GCC2: variants seen among roughly 807,000 people sequenced by gnomAD.
GCC2 encodes GRIP and coiled-coil domain containing 2, also known as GRIP and coiled-coil domain-containing protein 2.
In GCC2, 120 loss-of-function variants were observed where a neutral mutation model predicts 210.6. The observed-to-expected ratio is 0.57, with a 90% CI of 0.49 to 0.66. The LOEUF (loss-of-function observed/expected upper bound fraction) is 0.66, where lower values mean the gene tolerates loss of function less well. GCC2 is among the 30% of genes least tolerant of loss of function. GCC2 has a pLI of 0.00. For synonymous variants in GCC2, 703 were observed against 652.7 expected (o/e 1.08, Z -1.17); for missense variants, 1,868 against 1,871.9 (o/e 1.00, Z 0.04).
intron 6 of GCC2, among the ~76,000 whole-genome samples, 192 bp from the exon 7 acceptor site, chr2:108,472,635 T>C (rs965518270): frequency 6.6e-6 from 1 of 151,914 alleles, no homozygotes; most frequent in Non-Finnish European, 1.5e-5. Context: ...GTAAATGCCA[T>C]ATGCATAGTA....
At position 108,498,183 on chromosome 2, in the gene GCC2, C is replaced by CTTTTTTTTT. The variant is rs3084885; in HGVS notation, c.4782+1096_4782+1104dup. 9.4e-4 allele frequency among the ~76,000 whole-genome samples: 54 copies of CTTTTTTTTT among 57,486 alleles called. 9 individuals are homozygous for CTTTTTTTTT. The highest frequency in any genetic ancestry group is 1.5e-3 in the African/African-American group (21 of 13,648). 37.7% of individuals were successfully genotyped at this position (57,486 alleles called of 152,430 possible). ...ATGACTTATTTAAATGTTATATTTT[C>CTTTTTTTTT]TTTTTTTTTTTTTTTTTTTTTTTTT... On this transcript the variant is annotated intron_variant, in intron 21 of 22. Transcript: ENST00000309863.
At chr2:108,497,691 G>A (rs1374492324) in intron 21 of GCC2, among the ~76,000 whole-genome samples, 1 of 152,098 alleles carries the variant, frequency 6.6e-6, no homozygotes, top group Non-Finnish European at 1.5e-5. Context: ...GTAGACACCA[G>A]AAACATCTAG....
chr2:108,465,539 T>A (rs559566466), intron 4 of GCC2, among the ~76,000 whole-genome samples: 3 of 152,332 alleles, frequency 2.0e-5, no homozygotes, highest in Admixed American at 2.0e-4. Context: ...ACATCCATTA[T>A]ATCACTCTGT....
chr2:108,475,462 G>T, intron 7 of GCC2, 73 bp from the exon 8 acceptor site: 6 of 627,740 alleles, frequency 9.6e-6, no homozygotes, highest in South Asian at 8.3e-5. Flanking sequence ...AATAATCTAG[G>T]GCTAAAATAA....
At position 108,471,915 on chromosome 2, in the gene GCC2, A is replaced by C; in HGVS notation, c.2586A>C (p.Leu862=). Residue 862 remains leucine (L), a synonymous_variant, in exon 6 of 23, where the codon CTA becomes CTC. Transcript: ENST00000309863. The part of the protein sequence containing the change: ...SEKEALQSDL[L]EMKNANEKTR... Reference sequence around the variant, plus strand: ...AAGAGGCCCTGCAGTCTGATCTTCTAGAAATGAAGAATGCTAATGAAAAAA... The same window carrying C: ...AAGAGGCCCTGCAGTCTGATCTTCTCGAAATGAAGAATGCTAATGAAAAAA... 1 of 1,600,932 alleles carries C rather than the reference A, an allele frequency of 6.2e-7. No homozygotes were observed. The highest frequency in any genetic ancestry group is 1.1e-5 in the South Asian group (1 of 87,810).
rs1387040838 is a variant in GCC2, at chr2:108,449,546, A to C, written c.7-87A>C. The C allele has an allele frequency of 1.1e-5, 15 of 1,379,042 alleles. No homozygotes were observed. The South Asian group carries it at 1.8e-4, about 16-fold the overall frequency. 85.4% of individuals were successfully genotyped at this position (1,379,042 alleles called of 1,614,324 possible). A position where few individuals can be genotyped will look rare whatever the true frequency, so the allele number is the denominator to read the frequency against. On this transcript the variant is annotated intron_variant, in intron 1 of 22. Coordinates refer to ENST00000309863, the MANE Select transcript of GCC2 (RefSeq NM_181453.4). ...GCTTTCCACCACTTGATTCCATAGA[A>C]GGTTTTTCCCTGTAAGGGTTCTACG... is the stretch of plus-strand genomic sequence containing the variant.
At chr2:108,452,787 G>A (rs1475705199) in intron 4 of GCC2, among the ~76,000 whole-genome samples, 3 of 143,078 alleles carry the variant, frequency 2.1e-5, no homozygotes, top group African/African-American at 5.3e-5. Flanking sequence ...TCTGCCTCCC[G>A]AGTTCAAGCA....
At chr2:108,506,599 A>G (rs1683199474) in intron 22 of GCC2, among the ~76,000 whole-genome samples, 1 of 152,324 alleles carries the variant, frequency 6.6e-6, no homozygotes, top group East Asian at 1.9e-4. Context: ...TTGTACCTCA[A>G]TAAACATGAT....
rs758868824 is a variant in GCC2 at position 108,469,002 on chromosome 2, CTCT to C, written c.246_248del (p.Leu83del). On this transcript the variant is annotated inframe_deletion, in exon 5 of 23. Coordinates refer to ENST00000309863, the MANE Select transcript of GCC2 (RefSeq NM_181453.4). ...TAGGCATTAACTGAACGTCTGGATG[CTCT>C]TCTTCTGGAAAAAGCAGAGACTGAG... is the stretch of plus-strand genomic sequence containing the variant. The C allele has an allele frequency of 4.3e-6, 7 of 1,611,768 alleles. No individual in the cohort carries two copies. In the South Asian group the frequency reaches 4.4e-5, roughly 10 times the overall value.
chr2:108,449,752 T>G, intron 2 of GCC2, 63 bp downstream of exon 2: 1 of 1,356,906 alleles, frequency 7.4e-7, no homozygotes, highest in Non-Finnish European at 1.0e-6. Flanking sequence ...TTGGAAAACT[T>G]TGGCATGGGG....
intron 21 of GCC2, among the ~76,000 whole-genome samples, chr2:108,497,480 C>G (rs1372309595): frequency 1.3e-5 from 2 of 152,044 alleles, no homozygotes; most frequent in Admixed American, 1.3e-4. Context: ...TCTAAGAAAC[C>G]GTAATAGATT....
chr2:108,457,287 C>T (rs544534346), intron 4 of GCC2, among the ~76,000 whole-genome samples: 49 of 152,140 alleles, frequency 3.2e-4, no homozygotes, highest in African/African-American at 9.6e-4. Flanking sequence ...TGTCGAAGAT[C>T]GGTTGTGTAT....
At chr2:108,461,182 C>CTCTTT in intron 4 of GCC2, among the ~76,000 whole-genome samples, 1 of 152,112 alleles carries the variant, frequency 6.6e-6, no homozygotes, top group Admixed American at 6.5e-5. Flanking sequence ...ATATATTATT[C>CTCTTT]TCTTTTCTCT....
At chr2:108,449,558 G>C in intron 1 of GCC2, 75 bp from the exon 2 acceptor site, 6 of 1,444,370 alleles carry the variant, frequency 4.2e-6, no homozygotes, top group Non-Finnish European at 5.8e-6. Context: ...GTTTTTCCCT[G>C]TAAGGGTTCT....
At chr2:108,461,665 G>T (rs1379574308) in intron 4 of GCC2, among the ~76,000 whole-genome samples, 2 of 151,584 alleles carry the variant, frequency 1.3e-5, no homozygotes, top group African/African-American at 4.9e-5. Flanking sequence ...ACCATGCCCA[G>T]CTAATTTTTT....
intron 9 of GCC2, 128 bp downstream of exon 9, chr2:108,475,978 A>G: frequency 2.0e-6 from 1 of 509,152 alleles, no homozygotes; most frequent in Non-Finnish European, 3.5e-6. Flanking sequence ...GTAAATCTTT[A>G]TTCTGTTTTG....
chr2:108,474,925 C>T (rs911706324), intron 7 of GCC2: 1 of 152,170 alleles, frequency 6.6e-6, no homozygotes, highest in African/African-American at 2.4e-5. Flanking sequence ...CGCACACAGA[C>T]ACTTCACTAT....
At chr2:108,463,818 G>A (rs1258934162) in intron 4 of GCC2, among the ~76,000 whole-genome samples, 1 of 152,176 alleles carries the variant, frequency 6.6e-6, no homozygotes, top group Non-Finnish European at 1.5e-5. Flanking sequence ...ATCAGCATTG[G>A]TTTTGGCAGT....
Position 108,470,643 on chromosome 2 carries a change from A to G in GCC2, c.1314A>G (p.Ser438=). ...AGGAACAACATCAAAAAGAAATATC[A>G]GAACTAAATGAGACATTTTTGTCAG... ...SLKEQHQKEI[S]ELNETFLSDS... The change falls in exon 6 of 23, where the codon TCA becomes TCG. Residue 438 remains serine, a synonymous_variant. Transcript: ENST00000309863. 2 of 1,612,242 alleles carry G rather than the reference A, an allele frequency of 1.2e-6. No homozygotes were observed. Among genetic ancestry groups the G allele is most frequent in the Non-Finnish European group, 1.7e-6 (2 of 1,178,860 alleles).
Sources: allele counts gnomAD v4.1 joint callset (sites outside exome capture counted in the v4.1 genomes callset), GRCh38; gene constraint gnomAD v4.1.1; transcripts MANE v1.5; gene names NCBI Gene and HGNC (gene_info 2026-07-23, HGNC 2026-07-21).